LRP6: variants seen among roughly 807,000 people sequenced by gnomAD.
LRP6 encodes the protein low-density lipoprotein receptor-related protein 6.
LRP6 carries 43 observed loss-of-function variants against 184.1 expected under a neutral mutation model. That is an observed-to-expected ratio of 0.23 (90% confidence interval 0.18 to 0.30). The LOEUF (loss-of-function observed/expected upper bound fraction) is 0.30. Ranked by LOEUF, LRP6 falls within the 10% of genes least tolerant of loss-of-function variation. The probability of loss-of-function intolerance (pLI) is 1.00; values close to 1 mark genes in which losing one functional copy is unlikely to be tolerated. For synonymous variants in LRP6, 719 were observed against 684.9 expected (o/e 1.05, Z -0.78); for missense variants, 1,571 against 2,005.3 (o/e 0.78, Z 4.14).
chr12:12,130,943 C>A, intron 18 of LRP6, 50 bp from the exon 19 acceptor site: 2 of 998,334 alleles, frequency 2.0e-6, no homozygotes, highest in South Asian at 2.6e-5. Context: ...CATGTAAAGT[C>A]AAACTCTGGC....
intron 3 of LRP6, 87 bp from the exon 4 acceptor site, chr12:12,187,206 G>T: frequency 1.8e-6 from 2 of 1,102,666 alleles, no homozygotes; most frequent in Non-Finnish European, 2.7e-6. Flanking sequence ...AATGATCTTA[G>T]TTCACATTAA....
intron 2 of LRP6, among the ~76,000 whole-genome samples, chr12:12,238,021 GC>G (rs1249868755): frequency 1.3e-5 from 2 of 152,080 alleles, no homozygotes; most frequent in East Asian, 3.8e-4. Context: ...TACAATTTTT[GC>G]AACTTTTTTT....
intron 3 of LRP6, among the ~76,000 whole-genome samples, chr12:12,188,280 C>T (rs963333958): frequency 6.7e-6 from 1 of 150,372 alleles, no homozygotes; most frequent in Non-Finnish European, 1.5e-5. Flanking sequence ...CGTTTTGAGT[C>T]AAAATAATAT....
intron 2 of LRP6, among the ~76,000 whole-genome samples, chr12:12,227,885 T>G (rs980902036): frequency 5.3e-5 from 8 of 152,152 alleles, no homozygotes; most frequent in African/African-American, 1.9e-4. Flanking sequence ...AGTCCAAAAC[T>G]GTTCTAAAAA....
intron 3 of LRP6, among the ~76,000 whole-genome samples, chr12:12,194,401 C>T (rs370595281): frequency 2.0e-5 from 3 of 152,106 alleles, no homozygotes; most frequent in South Asian, 2.1e-4. Flanking sequence ...ATCACCCAGA[C>T]GACTTCAAAA....
chr12:12,248,982 A>G (rs1865257814), intron 1 of LRP6: 1 of 540,840 alleles, frequency 1.8e-6, no homozygotes, highest in Admixed American at 3.1e-5. Flanking sequence ...AAGCAACAGC[A>G]ACACAAGGTG....
At chr12:12,187,432 A>G (rs1863502998) in intron 3 of LRP6, 2 of 383,714 alleles carry the variant, frequency 5.2e-6, no homozygotes, top group African/African-American at 2.1e-5. Flanking sequence ...GTCAAATCCT[A>G]CTCTTCAACT....
chr12:12,241,913 A>T (rs933337103), intron 2 of LRP6, among the ~76,000 whole-genome samples: 2 of 152,210 alleles, frequency 1.3e-5, no homozygotes, highest in African/African-American at 4.8e-5. Flanking sequence ...AAAGCCACAG[A>T]AACTCTAAAG....
chr12:12,220,648 G>T (rs945790884), intron 2 of LRP6, among the ~76,000 whole-genome samples: 2 of 149,862 alleles, frequency 1.3e-5, no homozygotes, highest in Non-Finnish European at 3.0e-5. Flanking sequence ...ACCCAGGTTG[G>T]AATGCGGTGG....
intron 6 of LRP6, 39 bp from the exon 7 acceptor site, chr12:12,180,020 T>C: frequency 6.5e-7 from 1 of 1,537,798 alleles, no homozygotes. Context: ...AAATAGATAA[T>C]AAAATGTAAC....
chr12:12,265,602 T>TA (rs1452000565), intron 1 of LRP6, among the ~76,000 whole-genome samples: 2 of 152,208 alleles, frequency 1.3e-5, no homozygotes, highest in African/African-American at 2.4e-5. Flanking sequence ...GAAAAGAACT[T>TA]ACTATGAACG....
At chr12:12,198,233 G>A (rs902843879) in intron 3 of LRP6, among the ~76,000 whole-genome samples, 4 of 152,098 alleles carry the variant, frequency 2.6e-5, no homozygotes, top group Non-Finnish European at 4.4e-5. Context: ...CTTCTTGTAA[G>A]AAACTTTTTC....
intron 2 of LRP6, among the ~76,000 whole-genome samples, chr12:12,230,169 T>C (rs773791220): frequency 6.6e-6 from 1 of 152,202 alleles, no homozygotes; most frequent in Admixed American, 6.5e-5. Flanking sequence ...TAAACATATA[T>C]TAAGTTTTCA....
chr12:12,197,897 A>T (rs1168765681), intron 3 of LRP6, among the ~76,000 whole-genome samples: 1 of 152,202 alleles, frequency 6.6e-6, no homozygotes, highest in Non-Finnish European at 1.5e-5. Flanking sequence ...ACAAAAAATT[A>T]GTCAGGTGTG....
chr12:12,256,556 C>T (rs1865470511), intron 1 of LRP6, among the ~76,000 whole-genome samples: 1 of 151,948 alleles, frequency 6.6e-6, no homozygotes, highest in South Asian at 2.1e-4. Context: ...GCCTGTAATC[C>T]CAGCACTTTG....
chr12:12,264,769 T>C (rs1174744201), intron 1 of LRP6, among the ~76,000 whole-genome samples: 1 of 152,094 alleles, frequency 6.6e-6, no homozygotes, highest in African/African-American at 2.4e-5. Flanking sequence ...TCAAATAATA[T>C]GTACTCACAG....
Position 12,116,743 on chromosome 12 carries a change from T to G in LRP6, c.*4383A>C, listed in dbSNP as rs923555121. 1.3e-5 allele frequency: 2 copies of G among 152,180 alleles called. No homozygotes were observed. The highest frequency in any genetic ancestry group is 2.9e-5 in the Non-Finnish European group (2 of 68,032). The allele number at this position is 152,180 out of a possible 1,614,324, so 9.4% of individuals were successfully genotyped here. ...GTTTGTAATTCTATCTGTAAAGTCATGGAGATTTTTTTCAGCAATAAACTC... is the reference window on the plus strand; with the variant it reads ...GTTTGTAATTCTATCTGTAAAGTCAGGGAGATTTTTTTCAGCAATAAACTC... On this transcript the variant is annotated 3_prime_UTR_variant, in exon 23 of 23. Transcript: ENST00000261349.
At chr12:12,176,445 A>G (rs950632216) in intron 7 of LRP6, among the ~76,000 whole-genome samples, 4 of 152,206 alleles carry the variant, frequency 2.6e-5, no homozygotes, top group African/African-American at 9.7e-5. Flanking sequence ...ATCTTTTAAA[A>G]AATGTGACAT....
chr12:12,141,517 C>G (rs1949933993), intron 15 of LRP6, among the ~76,000 whole-genome samples: 1 of 152,116 alleles, frequency 6.6e-6, no homozygotes, highest in African/African-American at 2.4e-5. Flanking sequence ...TGATGAGCCC[C>G]TTTCAAGAAG....
Sources: gnomAD v4.1 joint callset for allele counts (sites outside exome capture counted in the v4.1 genomes callset) on GRCh38, gnomAD v4.1.1 for gene constraint, MANE v1.5 for transcripts, NCBI Gene and HGNC (gene_info 2026-07-23, HGNC 2026-07-21) for gene names.